PREX1: variants seen among roughly 807,000 people sequenced by gnomAD.
The protein encoded by PREX1 is phosphatidylinositol-3,4,5-trisphosphate dependent Rac exchange factor 1, also known as phosphatidylinositol 3,4,5-trisphosphate-dependent Rac exchanger 1 protein.
A neutral mutation model predicts 198.3 loss-of-function variants in PREX1; 41 were observed. The observed-to-expected ratio is 0.21, with a 90% confidence interval of 0.16 to 0.27. PREX1 has a LOEUF of 0.27. Among genes scored for constraint, PREX1 ranks in the 10% least tolerant of loss-of-function variants. The pLI, the probability that PREX1 is intolerant of heterozygous loss-of-function variation, is 1.00. For missense variants in PREX1, 1,620 were observed against 2,200.7 expected (o/e 0.74, Z 5.28); for synonymous variants, 843 against 887.2 (o/e 0.95, Z 0.89).
chr20:48,651,435 C>T lies in PREX1; in HGVS notation c.2616G>A (p.Lys872=). 6.2e-7 allele frequency: 1 copy of T among 1,613,088 alleles called. No homozygotes were observed. Among genetic ancestry groups the T allele is most frequent in the African/African-American group, 1.3e-5 (1 of 75,060 alleles). ...CGAAGCAGCCGCGGGGCTCCACGAT[C>T]TTCTCCAGCACATGGCACCTGACGC... ...TAGVRCHVLE[K]IVEPRGCFGL... is the part of the protein sequence containing the mutation. The change falls in exon 22 of 40, where the codon AAG becomes AAA. Residue 872 remains lysine, a synonymous_variant. Coordinates refer to ENST00000371941, the MANE Select transcript of PREX1 (RefSeq NM_020820.4).
Position 48,653,377 on chromosome 20 carries a change from C to T in PREX1, c.2330G>A (p.Arg777Gln), listed in dbSNP as rs368578845. ...TAAACTTACCAGGGCCTCTTCGCGC[C>T]GACTCCGGAATGCCTGGAAGTGCTC... is the stretch of plus-strand genomic sequence containing the variant. ...VLEHFQAFRS[R>Q]REEALGLYQW... Residue 777 changes from arginine to glutamine, a missense_variant, in exon 20 of 40, where the codon CGG (arginine) becomes CAG (glutamine). Coordinates refer to ENST00000371941, the MANE Select transcript of PREX1 (RefSeq NM_020820.4). 2.1e-5 allele frequency: 34 copies of T among 1,613,552 alleles called. No individual in the cohort carries two copies. The highest frequency in any genetic ancestry group is 8.3e-5 in the Admixed American group (5 of 60,000).
intron 7 of PREX1, among the ~76,000 whole-genome samples, chr20:48,698,978 C>T (rs1241965437): frequency 6.6e-6 from 1 of 152,138 alleles, no homozygotes; most frequent in Non-Finnish European, 1.5e-5. Context: ...CAATGGCGGG[C>T]CTAGCTCTTA....
intron 20 of PREX1, among the ~76,000 whole-genome samples, chr20:48,653,116 CTG>C (rs1169008171): frequency 3.3e-5 from 5 of 152,176 alleles, no homozygotes; most frequent in African/African-American, 1.2e-4. Context: ...GAGAGAGGGT[CTG>C]GTCACACCCA....
intron 20 of PREX1, 47 bp downstream of exon 20, chr20:48,653,314 C>G: frequency 6.3e-7 from 1 of 1,597,464 alleles, no homozygotes; most frequent in South Asian, 1.1e-5. Flanking sequence ...CCACCCACCC[C>G]CACTCAGCAG....
chr20:48,836,902 CAAAAAAAAAAAAAA>C, the PREX1 span, among the ~76,000 whole-genome samples: 5 of 56,072 alleles, frequency 8.9e-5, no homozygotes, highest in Admixed American at 2.3e-4. Context: ...ACTCTGTCTC[CAAAAAAAAAAAAAA>C]AAAAAAAAAA....
At chr20:48,845,016 A>G in the PREX1 span, among the ~76,000 whole-genome samples, 2 of 152,178 alleles carry the variant, frequency 1.3e-5, no homozygotes, top group African/African-American at 4.8e-5. Context: ...ACATTCCCCA[A>G]AAGACTTTTA....
intron 1 of PREX1, among the ~76,000 whole-genome samples, chr20:48,748,861 T>A (rs1184856157): frequency 1.3e-5 from 2 of 152,298 alleles, no homozygotes; most frequent in East Asian, 3.9e-4. Context: ...AATTAGAATT[T>A]TTTTTCAAAA....
intron 15 of PREX1, among the ~76,000 whole-genome samples, chr20:48,665,231 CT>C (rs1308444140): frequency 6.6e-6 from 1 of 151,476 alleles, no homozygotes; most frequent in Non-Finnish European, 1.5e-5. Flanking sequence ...AATTATAATC[CT>C]GGCTCCAGAT....
At chr20:48,646,100 C>T in intron 25 of PREX1, 43 bp from the exon 26 acceptor site, 2 of 1,577,878 alleles carry the variant, frequency 1.3e-6, no homozygotes, top group African/African-American at 2.7e-5. Context: ...CAGGCCTGGC[C>T]CTTTGTGTCC....
At chr20:48,747,699 C>T (rs1032213689) in intron 2 of PREX1, 110 bp downstream of exon 2, 86 of 1,226,764 alleles carry the variant, frequency 7.0e-5, no homozygotes, top group African/African-American at 1.3e-4. Flanking sequence ...CAGCAGCCAG[C>T]GGGTGATGCG....
chr20:48,857,592 C>T, the PREX1 span, among the ~76,000 whole-genome samples: 2 of 151,826 alleles, frequency 1.3e-5, no homozygotes, highest in Non-Finnish European at 2.9e-5. Flanking sequence ...AATAGCGAAA[C>T]CCTCGCCTCA....
intron 15 of PREX1, among the ~76,000 whole-genome samples, chr20:48,661,754 G>A (rs920987361): frequency 3.6e-4 from 54 of 151,708 alleles, no homozygotes; most frequent in African/African-American, 1.3e-3. Flanking sequence ...TTTCATAGAC[G>A]GGGAGACTAA....
intron 31 of PREX1, 36 bp downstream of exon 31, chr20:48,637,675 G>T: frequency 6.3e-7 from 1 of 1,578,206 alleles, no homozygotes; most frequent in Non-Finnish European, 8.6e-7. Context: ...GGAAGAGGCC[G>T]GGTATGTGCC....
chr20:48,652,038 G>A (rs946562110), intron 21 of PREX1, among the ~76,000 whole-genome samples: 3 of 152,124 alleles, frequency 2.0e-5, no homozygotes, highest in South Asian at 2.1e-4. Flanking sequence ...AGTGGGACTC[G>A]GACTTCTGAC....
In PREX1 at chr20:48,761,230, C is replaced by T. The variant is rs578082241; in HGVS notation, c.220-13350G>A. Among the ~76,000 whole-genome samples the T allele has an allele frequency of 1.1e-4, 17 of 152,322 alleles. 1 individual carries two copies. The South Asian group carries it at 2.1e-3, about 19-fold the overall frequency. ...TTCAGTCTTTCCAGGACAATCCTATCGAAAACGTCTATCCCTGCTCTGTTT... is the reference window on the plus strand; with the variant it reads ...TTCAGTCTTTCCAGGACAATCCTATTGAAAACGTCTATCCCTGCTCTGTTT... On this transcript the variant is annotated intron_variant, in intron 1 of 39. Coordinates refer to ENST00000371941, the MANE Select transcript of PREX1 (RefSeq NM_020820.4).
At chr20:48,765,533 C>T (rs2122858402) in intron 1 of PREX1, among the ~76,000 whole-genome samples, 2 of 152,330 alleles carry the variant, frequency 1.3e-5, no homozygotes, top group South Asian at 4.1e-4. Context: ...TAAGTGCTTA[C>T]TGCATGCCAA....
intron 14 of PREX1, among the ~76,000 whole-genome samples, chr20:48,669,680 GGA>G (rs56994554): frequency 0.013 from 1,920 of 152,248 alleles, 37 homozygotes; most frequent in African/African-American, 0.044. Context: ...ATAGTGGTGG[GGA>G]GAGTGTCTCC....
rs149257976 is a variant in PREX1, at chr20:48,767,764, C to A, written c.220-19884G>T. 7.7e-3 allele frequency among the ~76,000 whole-genome samples: 1,171 copies of A among 152,202 alleles called. 8 individuals are homozygous for A. The highest frequency in any genetic ancestry group is 0.017 in the Middle Eastern group (5 of 294). ...GGTCACCCCAGGCTTTTTCTTACCT[C>A]AGGGACTTTGCACGTGCTGTTCCCC... On this transcript the variant is annotated intron_variant, in intron 1 of 39. Transcript: ENST00000371941.
the PREX1 span, among the ~76,000 whole-genome samples, chr20:48,838,765 T>A: frequency 2.6e-5 from 4 of 152,080 alleles, no homozygotes; most frequent in Non-Finnish European, 4.4e-5. Flanking sequence ...CAGTGCCTCA[T>A]GCCTGTAATC....
Sources: allele counts gnomAD v4.1 joint callset (sites outside exome capture counted in the v4.1 genomes callset), GRCh38; gene constraint gnomAD v4.1.1; transcripts MANE v1.5; gene names NCBI Gene and HGNC (gene_info 2026-07-23, HGNC 2026-07-21).